Variants in CALCR observed in about 807,000 individuals in gnomAD.
CALCR encodes the protein calcitonin receptor.
CALCR carries 47 observed loss-of-function variants against 59.5 expected under a neutral mutation model. That is an observed-to-expected ratio of 0.79 (90% CI 0.63 to 1.01). The LOEUF (loss-of-function observed/expected upper bound fraction) is 1.01. Among genes scored for constraint, CALCR ranks in the 50% least tolerant of loss-of-function variants. The probability of loss-of-function intolerance (pLI) is 0.00; values close to 1 mark genes in which losing one functional copy is unlikely to be tolerated. For synonymous variants in CALCR, 213 were observed against 211.3 expected (o/e 1.01, Z -0.07); for missense variants, 566 against 597.1 (o/e 0.95, Z 0.54).
chr7:93,435,666 C>T (rs1027727437), intron 12 of CALCR, among the ~76,000 whole-genome samples: 6 of 151,670 alleles, frequency 4.0e-5, no homozygotes, highest in East Asian at 1.9e-4. Flanking sequence ...ATTAGCCAGG[C>T]GTGGTAGCGC....
intron 2 of CALCR, among the ~76,000 whole-genome samples, chr7:93,517,455 AT>A (rs1286436996): frequency 1.3e-5 from 2 of 151,812 alleles, no homozygotes; most frequent in Non-Finnish European, 2.9e-5. Flanking sequence ...ACTAGCAATG[AT>A]TTGTTTCCAT....
chr7:93,474,134 T>C (rs1800615263), intron 5 of CALCR, among the ~76,000 whole-genome samples: 2 of 151,794 alleles, frequency 1.3e-5, no homozygotes, highest in African/African-American at 4.8e-5. Flanking sequence ...TGTTCTGTAT[T>C]TTGCTTAATT....
rs1354529124 is a variant in CALCR, at chr7:93,495,812, G to A, written c.-26-8805C>T. On this transcript the variant is annotated intron_variant, in intron 2 of 13. Coordinates refer to ENST00000426151, the MANE Select transcript of CALCR (RefSeq NM_001742.4). Reference sequence around the variant, plus strand: ...AAATCTGATTGTTGTGGCTGATTTAGAACATGCAAATGAAGAAACCATTGT... The same window carrying A: ...AAATCTGATTGTTGTGGCTGATTTAAAACATGCAAATGAAGAAACCATTGT... 4.5e-6 allele frequency: 5 copies of A among 1,117,774 alleles called. No individual in the cohort carries two copies. In the East Asian group the frequency reaches 1.3e-4, roughly 29 times the overall value. The allele number at this position is 1,117,774 out of a possible 1,614,324, so 69.2% of individuals were successfully genotyped here. A position where few individuals can be genotyped will look rare whatever the true frequency, so the allele number is the denominator to read the frequency against.
intron 8 of CALCR, among the ~76,000 whole-genome samples, chr7:93,452,307 G>A (rs1004726752): frequency 9.9e-5 from 15 of 151,946 alleles, no homozygotes; most frequent in African/African-American, 3.6e-4. Flanking sequence ...ACAACCCAAT[G>A]AGAAACATCC....
intron 7 of CALCR, among the ~76,000 whole-genome samples, chr7:93,461,674 T>C (rs1800339785): frequency 6.6e-6 from 1 of 152,268 alleles, no homozygotes; most frequent in African/African-American, 2.4e-5. Flanking sequence ...CCCCACCTTT[T>C]GTGTATTAAG....
In CALCR at chr7:93,428,773, C is replaced by T. The variant is rs986248332; in HGVS notation, c.1192-2184G>A. On this transcript the variant is annotated intron_variant, in intron 13 of 13. Coordinates refer to ENST00000426151, the MANE Select transcript of CALCR (RefSeq NM_001742.4). The stretch of plus-strand genomic sequence containing the variant: ...CTGCACTCCAGTTTGGGGAACAGAG[C>T]GAGACTCCGTCTCAAAAAAAAAAAA... 8.9e-5 allele frequency among the ~76,000 whole-genome samples: 12 copies of T among 135,158 alleles called. 1 individual carries two copies. The highest frequency in any genetic ancestry group is 3.1e-4 in the African/African-American group (11 of 34,940). 88.7% of individuals were successfully genotyped at this position (135,158 alleles called of 152,430 possible). A position where few individuals can be genotyped will look rare whatever the true frequency, so the allele number is the denominator to read the frequency against.
chr7:93,491,662 A>T (rs1370860305), intron 2 of CALCR, among the ~76,000 whole-genome samples: 1 of 152,028 alleles, frequency 6.6e-6, no homozygotes, highest in East Asian at 1.9e-4. Context: ...GCTCAACATC[A>T]CTGATCATTA....
Position 93,485,954 on chromosome 7 carries a change from T to A in CALCR, c.51+977A>T, listed in dbSNP as rs1045311867. 5.3e-5 allele frequency among the ~76,000 whole-genome samples: 8 copies of A among 151,776 alleles called. No individual in the cohort carries two copies. In the Middle Eastern group the frequency reaches 0.01, roughly 194 times the overall value. On this transcript the variant is annotated intron_variant, in intron 3 of 13. Coordinates refer to ENST00000426151, the MANE Select transcript of CALCR (RefSeq NM_001742.4). ...ATAAAAATTGCCTTACAAATTAAAT[T>A]AACATTTATGAAATACTAGCAATAT...
chr7:93,437,571 T>C (rs1050762701), intron 11 of CALCR, among the ~76,000 whole-genome samples: 3 of 152,190 alleles, frequency 2.0e-5, no homozygotes, highest in African/African-American at 7.2e-5. Context: ...AAGTAAGAAC[T>C]GTAGCATCCT....
chr7:93,521,442 A>T lies in CALCR; in HGVS notation c.-26-34435T>A, dbSNP rs146308886. On this transcript the variant is annotated intron_variant, in intron 2 of 13. Coordinates refer to ENST00000426151, the MANE Select transcript of CALCR (RefSeq NM_001742.4). The stretch of plus-strand genomic sequence containing the variant: ...GAATAAGCCATATATTAAAGTGTGT[A>T]CATTCATATTTCCCAAATAGATATT... Among the ~76,000 whole-genome samples the T allele has an allele frequency of 1.8e-3, 269 of 152,292 alleles. 2 individuals are homozygous for T. The highest frequency in any genetic ancestry group is 5.8e-3 in the African/African-American group (243 of 41,574).
Position 93,492,591 on chromosome 7 carries a change from G to A in CALCR, c.-26-5584C>T, listed in dbSNP as rs528238724. ...AAATTAGAAGCATACACGCACACAC[G>A]TATTAAGTGCTGAGGCACTACATGA... On this transcript the variant is annotated intron_variant, in intron 2 of 13. Transcript: ENST00000426151. Among the ~76,000 whole-genome samples the A allele has an allele frequency of 5.1e-4, 77 of 151,422 alleles. 1 individual carries two copies. The highest frequency in any genetic ancestry group is 1.8e-3 in the African/African-American group (75 of 41,436).
At chr7:93,434,352 G>C in intron 12 of CALCR, 58 bp from the exon 13 acceptor site, 9 of 1,069,652 alleles carry the variant, frequency 8.4e-6, no homozygotes, top group Non-Finnish European at 1.3e-5. Context: ...ATGTTGTTTA[G>C]TAAACAATAT....
intron 8 of CALCR, among the ~76,000 whole-genome samples, chr7:93,454,164 C>T (rs775835154): frequency 4.6e-5 from 7 of 151,946 alleles, no homozygotes; most frequent in African/African-American, 7.2e-5. Flanking sequence ...ACCAGCCTCC[C>T]TTGGGCTGGG....
intron 2 of CALCR, among the ~76,000 whole-genome samples, chr7:93,524,762 C>T (rs1450454188): frequency 1.3e-5 from 2 of 152,032 alleles, no homozygotes; most frequent in Non-Finnish European, 1.5e-5. Flanking sequence ...AATCCTTTGT[C>T]TCAAGTAGCT....
chr7:93,506,119 C>T (rs1584591979), intron 2 of CALCR, among the ~76,000 whole-genome samples: 1 of 152,170 alleles, frequency 6.6e-6, no homozygotes, highest in Non-Finnish European at 1.5e-5. Flanking sequence ...GCCTATTAAA[C>T]TATCACTCCT....
intron 8 of CALCR, among the ~76,000 whole-genome samples, chr7:93,451,695 T>G (rs11770887): frequency 1 from 151,499 of 152,132 alleles, 75,438 homozygotes; most frequent in Middle Eastern, 1. Context: ...GATTCAGAAG[T>G]TGTGGTGTGG....
At chr7:93,552,465 G>GC (rs1348403487) in intron 2 of CALCR, among the ~76,000 whole-genome samples, 2 of 152,026 alleles carry the variant, frequency 1.3e-5, no homozygotes, top group African/African-American at 2.4e-5. Flanking sequence ...AAATGAATGG[G>GC]CCTACAAATA....
At chr7:93,519,964 C>G (rs113226102) in intron 2 of CALCR, among the ~76,000 whole-genome samples, 1 of 151,908 alleles carries the variant, frequency 6.6e-6, no homozygotes, top group Non-Finnish European at 1.5e-5. Flanking sequence ...ATTACCCAGT[C>G]TTGGGAAATT....
At position 93,436,268 on chromosome 7, in the gene CALCR, T is replaced by C. The variant is rs1799776444; in HGVS notation, c.931-98A>G. ...TTGTTTATCCAGTGTGAGCAACAAA[T>C]GTTACCTACATAGAACATGAGAGTC... On this transcript the variant is annotated intron_variant, in intron 11 of 13. Coordinates refer to ENST00000426151, the MANE Select transcript of CALCR (RefSeq NM_001742.4). The C allele has an allele frequency of 5.3e-6, 5 of 945,440 alleles. No individual in the cohort carries two copies. The African/African-American group carries it at 8.1e-5, about 15-fold the overall frequency. The allele number at this position is 945,440 out of a possible 1,614,324, so 58.6% of individuals were successfully genotyped here.
Sources: allele counts gnomAD v4.1 joint callset (sites outside exome capture counted in the v4.1 genomes callset), GRCh38; gene constraint gnomAD v4.1.1; transcripts MANE v1.5; gene names NCBI Gene and HGNC (gene_info 2026-07-23, HGNC 2026-07-21).